Variants in PDE4B observed in about 807,000 individuals in gnomAD.
PDE4B encodes 3',5'-cyclic-AMP phosphodiesterase 4B.
Under a neutral mutation model 82.2 loss-of-function variants are expected in PDE4B, and 20 were observed. That is an observed-to-expected ratio of 0.24 (90% CI 0.17 to 0.35). The LOEUF is 0.35. PDE4B is among the 10% of genes least tolerant of loss of function. The pLI is 1.00. For missense variants in PDE4B, 655 were observed against 907.2 expected, an observed-to-expected ratio of 0.72 and a Z score of 3.57; for synonymous variants, 320 against 318.9, an observed-to-expected ratio of 1.00 and a Z score of -0.04.
chr1:66,032,722 C>T (rs1360388217), intron 3 of PDE4B, among the ~76,000 whole-genome samples: 9 of 149,842 alleles, frequency 6.0e-5, no homozygotes, highest in Admixed American at 6.0e-4. Context: ...GTGGCGCGAT[C>T]TCAGCTCACT....
chr1:66,204,133 G>C (rs1384234928), intron 3 of PDE4B, among the ~76,000 whole-genome samples: 7 of 152,204 alleles, frequency 4.6e-5, no homozygotes, highest in African/African-American at 1.7e-4. Flanking sequence ...GTTTGCCTGG[G>C]TATCAGCAGC....
chr1:66,314,779 C>T (rs1170613997), intron 7 of PDE4B, among the ~76,000 whole-genome samples: 1 of 152,176 alleles, frequency 6.6e-6, no homozygotes, highest in East Asian at 1.9e-4. Flanking sequence ...TTCATTTTGG[C>T]CGCCATGCCA....
chr1:66,146,116 T>C (rs934521507), intron 3 of PDE4B, among the ~76,000 whole-genome samples: 2 of 150,886 alleles, frequency 1.3e-5, no homozygotes, highest in Admixed American at 6.6e-5. Context: ...AATAGAAATA[T>C]ATCAACACTA....
At position 66,289,593 on chromosome 1, in the gene PDE4B, T is replaced by A. The variant is rs146879788; in HGVS notation, c.634+23506T>A. Among the ~76,000 whole-genome samples, 3 of 152,022 alleles carry A rather than the reference T, an allele frequency of 2.0e-5. No individual in the cohort carries two copies. In the East Asian group the frequency reaches 5.8e-4, roughly 29 times the overall value. ...AGTGAGTGGTGAAAAATGGGGTTGG[T>A]GGCATATAGACAGGGCCAGGTCTCG... On this transcript the variant is annotated intron_variant, in intron 7 of 16. Transcript: ENST00000341517.
chr1:65,958,239 TG>T (rs1649357492), intron 3 of PDE4B, among the ~76,000 whole-genome samples: 1 of 152,074 alleles, frequency 6.6e-6, no homozygotes, highest in Non-Finnish European at 1.5e-5. Flanking sequence ...CTTATTGAGA[TG>T]GTTTTTTTAA....
intron 3 of PDE4B, among the ~76,000 whole-genome samples, chr1:66,059,562 A>G (rs182286266): frequency 2.0e-4 from 30 of 152,300 alleles, no homozygotes; most frequent in Non-Finnish European, 7.4e-5. Context: ...AAGGCACATT[A>G]AGTCACATCT....
At chr1:66,235,507 A>G (rs1369232192) in intron 3 of PDE4B, among the ~76,000 whole-genome samples, 1 of 152,130 alleles carries the variant, frequency 6.6e-6, no homozygotes, top group Non-Finnish European at 1.5e-5. Context: ...TTATTAATAT[A>G]GACATTCTAG....
intron 3 of PDE4B, among the ~76,000 whole-genome samples, chr1:66,133,099 T>C (rs867214506): frequency 6.6e-6 from 1 of 152,116 alleles, no homozygotes; most frequent in African/African-American, 2.4e-5. Context: ...TAGGATTTTG[T>C]TTAAAGTGAA....
At chr1:65,866,723 A>C (rs1025252203) in intron 1 of PDE4B, among the ~76,000 whole-genome samples, 1 of 152,240 alleles carries the variant, frequency 6.6e-6, no homozygotes, top group South Asian at 2.1e-4. Flanking sequence ...ATAGAAATGC[A>C]GTCAGCATAT....
intron 6 of PDE4B, among the ~76,000 whole-genome samples, chr1:66,262,222 C>T (rs1051148637): frequency 2.0e-5 from 3 of 152,194 alleles, no homozygotes; most frequent in East Asian, 1.9e-4. Context: ...AAATGTTTAG[C>T]GTTCAGAGCT....
chr1:66,264,693 C>A lies in PDE4B; in HGVS notation c.585-1345C>A, dbSNP rs116523698. 7.5e-3 allele frequency among the ~76,000 whole-genome samples: 1,137 copies of A among 152,242 alleles called. 14 individuals carry two copies. Among genetic ancestry groups the A allele is most frequent in the African/African-American group, 0.026 (1,077 of 41,526 alleles). On this transcript the variant is annotated intron_variant, in intron 6 of 16. Coordinates refer to ENST00000341517, the MANE Select transcript of PDE4B (RefSeq NM_002600.4). ...GCTACTAGGTATGGGTACCTACAAG[C>A]TAGATTGTCCCTAAAGGACCAGAGA...
At chr1:65,850,925 A>G (rs575349232) in intron 1 of PDE4B, among the ~76,000 whole-genome samples, 10 of 152,298 alleles carry the variant, frequency 6.6e-5, no homozygotes, top group African/African-American at 2.4e-4. Flanking sequence ...GTTTTAGTGT[A>G]TTAGCTTTCA....
chr1:66,122,706 T>TTC (rs1645736703), intron 3 of PDE4B, among the ~76,000 whole-genome samples: 2 of 144,426 alleles, frequency 1.4e-5, no homozygotes, highest in South Asian at 2.2e-4. Flanking sequence ...TTCTTTTCTT[T>TTC]TTTTTTTTTT....
At chr1:66,304,256 C>T (rs1195309226) in intron 7 of PDE4B, among the ~76,000 whole-genome samples, 1 of 152,250 alleles carries the variant, frequency 6.6e-6, no homozygotes, top group East Asian at 1.9e-4. Flanking sequence ...GCTGAATTTT[C>T]AGCAAAAGCA....
chr1:65,942,239 A>AT, intron 3 of PDE4B, among the ~76,000 whole-genome samples: 1 of 151,696 alleles, frequency 6.6e-6, no homozygotes, highest in South Asian at 2.1e-4. Flanking sequence ...TCTGAGTTCA[A>AT]TTTTTTTACA....
intron 3 of PDE4B, among the ~76,000 whole-genome samples, chr1:65,960,893 T>C (rs1649511181): frequency 6.6e-6 from 1 of 152,158 alleles, no homozygotes; most frequent in South Asian, 2.1e-4. Flanking sequence ...GAACTCAACT[T>C]CCACTGGATA....
intron 1 of PDE4B, among the ~76,000 whole-genome samples, chr1:65,862,659 G>C (rs1353522328): frequency 6.6e-6 from 1 of 152,144 alleles, no homozygotes; most frequent in Non-Finnish European, 1.5e-5. Context: ...GTAGCATTTA[G>C]CTGTGAATCC....
chr1:65,988,505 T>C (rs1259370713), intron 3 of PDE4B, among the ~76,000 whole-genome samples: 1 of 152,142 alleles, frequency 6.6e-6, no homozygotes, highest in South Asian at 2.1e-4. Context: ...ATAGCTTTAC[T>C]TGAATAGAGT....
At chr1:65,811,662 G>C (rs1213517997) in intron 1 of PDE4B, among the ~76,000 whole-genome samples, 1 of 152,104 alleles carries the variant, frequency 6.6e-6, no homozygotes, top group African/African-American at 2.4e-5. Context: ...AATGTGAGGA[G>C]TGAGTTAACA....
Sources: allele counts gnomAD v4.1 joint callset (sites outside exome capture counted in the v4.1 genomes callset), GRCh38; gene constraint gnomAD v4.1.1; transcripts MANE v1.5; gene names NCBI Gene and HGNC (gene_info 2026-07-23, HGNC 2026-07-21).